Variants in SDCCAG8 observed in about 807,000 individuals in gnomAD.
SDCCAG8 encodes serologically defined colon cancer antigen 8.
In SDCCAG8, 74 loss-of-function variants were observed where a neutral mutation model predicts 101.8. The observed-to-expected ratio is 0.73, with a 90% CI of 0.60 to 0.88. The LOEUF (loss-of-function observed/expected upper bound fraction) is 0.88, where lower values mean the gene tolerates loss of function less well. Ranked by LOEUF, SDCCAG8 falls within the 40% of genes least tolerant of loss-of-function variation. The pLI, the probability that SDCCAG8 is intolerant of heterozygous loss-of-function variation, is 0.00. For missense variants in SDCCAG8, 787 were observed against 822.6 expected (o/e 0.96, Z 0.53); for synonymous variants, 281 against 292.9 (o/e 0.96, Z 0.41).
Position 243,392,582 on chromosome 1 carries a change from T to A in SDCCAG8, c.1616+13719T>A, listed in dbSNP as rs570436103. Reference sequence around the variant, plus strand: ...GTTTGAGGAAAGATGATAATGATATTAAGGAATAATAAAATCCATCTACAG... The same window carrying A: ...GTTTGAGGAAAGATGATAATGATATAAAGGAATAATAAAATCCATCTACAG... On this transcript the variant is annotated intron_variant, in intron 13 of 17. Coordinates refer to ENST00000366541, the MANE Select transcript of SDCCAG8 (RefSeq NM_006642.5). 3.9e-5 allele frequency among the ~76,000 whole-genome samples: 6 copies of A among 152,340 alleles called. No individual in the cohort carries two copies. The South Asian group carries it at 8.3e-4, about 21-fold the overall frequency.
chr1:243,263,109 C>A (rs531801856), intron 1 of SDCCAG8, among the ~76,000 whole-genome samples: 2 of 152,194 alleles, frequency 1.3e-5, no homozygotes, highest in Non-Finnish European at 2.9e-5. Flanking sequence ...CATCAAGAGG[C>A]GGCAACACTT....
intron 13 of SDCCAG8, among the ~76,000 whole-genome samples, chr1:243,389,712 C>G (rs1251867406): frequency 2.6e-5 from 4 of 152,148 alleles, no homozygotes; most frequent in African/African-American, 9.7e-5. Context: ...CTATGCTTCT[C>G]ACTGCTTCCA....
rs1430292544 is a variant in SDCCAG8 at position 243,458,059 on chromosome 1, T to C, written c.1986-30955T>C. 1.3e-5 allele frequency among the ~76,000 whole-genome samples: 2 copies of C among 152,216 alleles called. No homozygotes were observed. Among genetic ancestry groups the C allele is most frequent in the East Asian group, 3.8e-4 (2 of 5,200 alleles). On this transcript the variant is annotated intron_variant, in intron 16 of 17. Transcript: ENST00000366541. The surrounding 1 kb of genome is among the most constrained non-coding windows in gnomAD (Gnocchi z 4.5). ...GAAACCTTCAGGACCCATCCCAAAA[T>C]GACGAAGACACAAGATACAGTTCTG...
intron 12 of SDCCAG8, among the ~76,000 whole-genome samples, chr1:243,347,116 C>T (rs1472710918): frequency 2.6e-5 from 4 of 151,988 alleles, no homozygotes; most frequent in Non-Finnish European, 4.4e-5. Context: ...CTGTCCTCAT[C>T]GTCACCTTCA....
At chr1:243,436,544 A>G (rs1424448132) in intron 16 of SDCCAG8, among the ~76,000 whole-genome samples, 1 of 152,186 alleles carries the variant, frequency 6.6e-6, no homozygotes, top group Non-Finnish European at 1.5e-5. Context: ...TCAGTTAACT[A>G]CATTCATCTG....
At chr1:243,293,511 C>A (rs1458379114) in intron 6 of SDCCAG8, 1 of 542,350 alleles carries the variant, frequency 1.8e-6, no homozygotes, top group African/African-American at 1.9e-5. Flanking sequence ...ATAAATTTGC[C>A]TATTTCAGAT....
chr1:243,481,027 TAGA>T (rs1333045134), intron 16 of SDCCAG8, among the ~76,000 whole-genome samples: 5 of 151,808 alleles, frequency 3.3e-5, no homozygotes, highest in South Asian at 4.2e-4. Context: ...AGAGGAGCAT[TAGA>T]AGGTGACTCC....
At chr1:243,482,804 G>T (rs902687784) in intron 16 of SDCCAG8, among the ~76,000 whole-genome samples, 1 of 152,208 alleles carries the variant, frequency 6.6e-6, no homozygotes, top group Non-Finnish European at 1.5e-5. Context: ...CATCCTGGGG[G>T]CCCTGGATGC....
chr1:243,425,806 T>C (rs1203636374), intron 15 of SDCCAG8, among the ~76,000 whole-genome samples: 1 of 152,204 alleles, frequency 6.6e-6, no homozygotes, highest in Non-Finnish European at 1.5e-5. Context: ...TCAATCTTTT[T>C]TCTATTAAGA....
chr1:243,468,833 T>TA (rs1340328281), intron 16 of SDCCAG8, among the ~76,000 whole-genome samples: 1 of 152,260 alleles, frequency 6.6e-6, no homozygotes, highest in African/African-American at 2.4e-5. Context: ...ATAGAAGAAA[T>TA]ACTTCCTACA....
chr1:243,384,858 A>C (rs1301937035), intron 13 of SDCCAG8, among the ~76,000 whole-genome samples: 1 of 152,236 alleles, frequency 6.6e-6, no homozygotes, highest in Non-Finnish European at 1.5e-5. Context: ...GCATGTATGA[A>C]AACAAAGCAA....
chr1:243,284,372 A>C (rs538346429), intron 4 of SDCCAG8, among the ~76,000 whole-genome samples: 1 of 152,294 alleles, frequency 6.6e-6, no homozygotes, highest in South Asian at 2.1e-4. Context: ...TCCTAAATAT[A>C]GTCTGAGATA....
intron 16 of SDCCAG8, among the ~76,000 whole-genome samples, chr1:243,429,859 G>A (rs2081601021): frequency 2.0e-5 from 3 of 151,782 alleles, no homozygotes; most frequent in Non-Finnish European, 2.9e-5. Context: ...CTGCCACCAC[G>A]CCCAACTAGT....
At chr1:243,299,761 A>G (rs560004298) in intron 6 of SDCCAG8, among the ~76,000 whole-genome samples, 153 of 151,740 alleles carry the variant, frequency 1.0e-3, no homozygotes, top group African/African-American at 3.5e-3. Flanking sequence ...ATTTATTGTG[A>G]TTATTTATAC....
In SDCCAG8 at chr1:243,357,205, C is replaced by G. The variant is rs189354863; in HGVS notation, c.1473+12874C>G. The stretch of plus-strand genomic sequence containing the variant: ...CCATCCTGACTAATACGGTGAAATC[C>G]CATCTCTACTAAAAATACACAAAAT... On this transcript the variant is annotated intron_variant, in intron 12 of 17. Transcript: ENST00000366541. Among the ~76,000 whole-genome samples, 528 of 151,986 alleles carry G rather than the reference C, an allele frequency of 3.5e-3. 4 individuals carry two copies. The highest frequency in any genetic ancestry group is 6.5e-3 in the Non-Finnish European group (444 of 67,970).
intron 16 of SDCCAG8, among the ~76,000 whole-genome samples, chr1:243,459,806 C>T (rs1330374547): frequency 6.6e-6 from 1 of 152,088 alleles, no homozygotes; most frequent in African/African-American, 2.4e-5. Flanking sequence ...GGTCTCACTA[C>T]ATTGCCCAGG....
Position 243,271,018 on chromosome 1 carries a change from G to A in SDCCAG8, c.261G>A (p.Lys87=), listed in dbSNP as rs749133589. Residue 87 remains lysine (K), a synonymous_variant, in exon 3 of 18, where the codon AAG becomes AAA. Transcript: ENST00000366541. ...LKDLLRQQAD[K]ESEVSPSRRR... is the part of the protein sequence containing the mutation. Reference sequence around the variant, plus strand: ...ATTTGTTGCGCCAACAAGCAGATAAGGAAAGTGAAGTATCTCCGTCAAGAA... The same window carrying A: ...ATTTGTTGCGCCAACAAGCAGATAAAGAAAGTGAAGTATCTCCGTCAAGAA... 1.2e-6 allele frequency: 2 copies of A among 1,613,562 alleles called. No homozygotes were observed. Among genetic ancestry groups the A allele is most frequent in the South Asian group, 1.1e-5 (1 of 91,074 alleles).
At chr1:243,286,774 C>G (rs1035297490) in intron 5 of SDCCAG8, among the ~76,000 whole-genome samples, 2 of 152,162 alleles carry the variant, frequency 1.3e-5, no homozygotes, top group Non-Finnish European at 1.5e-5. Flanking sequence ...TCTAATAAGT[C>G]TAATTAGCTG....
intron 6 of SDCCAG8, among the ~76,000 whole-genome samples, chr1:243,296,535 CTTTTTTTT>C (rs756242066): frequency 0.013 from 759 of 57,958 alleles, 11 homozygotes; most frequent in Middle Eastern, 0.056. Flanking sequence ...CCCAACTGCT[CTTTTTTTT>C]TTTTTTTTTT....
Sources: allele counts gnomAD v4.1 joint callset (sites outside exome capture counted in the v4.1 genomes callset), GRCh38; gene constraint gnomAD v4.1.1; non-coding constraint Gnocchi (gnomAD v3.1); transcripts MANE v1.5; gene names NCBI Gene and HGNC (gene_info 2026-07-23, HGNC 2026-07-21).